ZNF236: variants seen among roughly 807,000 people sequenced by gnomAD.
The protein encoded by ZNF236 is zinc finger protein 236.
Under a neutral mutation model 191.2 loss-of-function variants are expected in ZNF236, and 50 were observed. The observed-to-expected ratio is 0.26, with a 90% CI of 0.21 to 0.33. ZNF236 has a LOEUF of 0.33. Ranked by LOEUF, ZNF236 falls within the 10% of genes least tolerant of loss-of-function variation. The probability of loss-of-function intolerance (pLI) is 1.00; values close to 1 mark genes in which losing one functional copy is unlikely to be tolerated. For missense variants in ZNF236, 1,754 were observed against 2,374.5 expected (o/e 0.74, Z 5.43); for synonymous variants, 907 against 928.8 (o/e 0.98, Z 0.43).
In ZNF236 at chr18:76,960,879, G is replaced by A; in HGVS notation, c.5419+24G>A. 1 of 1,598,620 alleles carries A rather than the reference G, an allele frequency of 6.3e-7. No homozygotes were observed. Among genetic ancestry groups the A allele is most frequent in the Non-Finnish European group, 8.5e-7 (1 of 1,170,258 alleles). On this transcript the variant is annotated intron_variant, in intron 30 of 30. Coordinates refer to ENST00000320610, the MANE Select transcript of ZNF236 (RefSeq NM_001306089.2). The surrounding 1 kb of genome is among the most constrained non-coding windows in gnomAD (Gnocchi z 4.4). ...TGGTGAGAATGCTGCACCCGGGAGTGCGTGCTGTTCGGTGGCCTGCGAGGC... is the reference window on the plus strand; with the variant it reads ...TGGTGAGAATGCTGCACCCGGGAGTACGTGCTGTTCGGTGGCCTGCGAGGC...
In ZNF236 at chr18:76,968,356, A is replaced by G; in HGVS notation, c.*17A>G. ...GTCTTCTGATGCGAGTTGGAAGTAC[A>G]CCTTTAAGAATGTTTCTGAAGTTAC... On this transcript the variant is annotated 3_prime_UTR_variant, in exon 31 of 31. Coordinates refer to ENST00000320610, the MANE Select transcript of ZNF236 (RefSeq NM_001306089.2). 10 of 1,597,898 alleles carry G rather than the reference A, an allele frequency of 6.3e-6. No individual in the cohort carries two copies. The highest frequency in any genetic ancestry group is 8.5e-6 in the Non-Finnish European group (10 of 1,175,914).
At position 76,881,424 on chromosome 18, in the gene ZNF236, C is replaced by T. The variant is rs756338358; in HGVS notation, c.1329C>T (p.Asp443=). Residue 443 remains aspartate, a synonymous_variant, in exon 9 of 31, where the codon GAC becomes GAT. Transcript: ENST00000320610. ...SVSNEQTDPT[D]AEQEKEQESP... The stretch of plus-strand genomic sequence containing the variant: ...CAAATGAGCAGACGGACCCCACAGA[C>T]GCAGAGCAAGAAAAAGAACAGGAAA... 5.4e-5 allele frequency: 87 copies of T among 1,613,096 alleles called. No homozygotes were observed. Among genetic ancestry groups the T allele is most frequent in the Admixed American group, 2.3e-4 (14 of 59,888 alleles).
chr18:76,839,203 T>A (rs747393032), intron 1 of ZNF236, among the ~76,000 whole-genome samples: 1 of 152,246 alleles, frequency 6.6e-6, no homozygotes, highest in Non-Finnish European at 1.5e-5. Flanking sequence ...ACATGGCGTT[T>A]GGGTGCACAT....
rs1967236861 is a variant in ZNF236, at chr18:76,912,319, A to G, written c.2881A>G (p.Asn961Asp). 6.2e-7 allele frequency: 1 copy of G among 1,614,226 alleles called. No homozygotes were observed. The highest frequency in any genetic ancestry group is 8.5e-7 in the Non-Finnish European group (1 of 1,180,042). ...QAQGSQFLEDNEDQSRRSYRC... is the reference protein window; with the variant it reads ...QAQGSQFLEDDEDQSRRSYRC... ...ACAAGGTTCCCAGTTTCTGGAGGAC[A>G]ACGAGGACCAGAGCAGGCGCTCTTA... The change falls in exon 17 of 31, where the codon AAC becomes GAC. Residue 961 changes from asparagine to aspartate, a missense_variant. Coordinates refer to ENST00000320610, the MANE Select transcript of ZNF236 (RefSeq NM_001306089.2).
intron 1 of ZNF236, among the ~76,000 whole-genome samples, chr18:76,825,010 C>T (rs1330054954): frequency 6.6e-6 from 1 of 152,218 alleles, no homozygotes; most frequent in Non-Finnish European, 1.5e-5. Flanking sequence ...GCTTCCTCAT[C>T]CCTTTAACAG....
chr18:76,892,563 A>AAT (rs759164784), intron 9 of ZNF236, among the ~76,000 whole-genome samples: 250 of 151,632 alleles, frequency 1.6e-3, no homozygotes, highest in Admixed American at 3.4e-3. Context: ...TATATTTACT[A>AAT]ATATATATAT....
chr18:76,941,802 G>T lies in ZNF236; in HGVS notation c.4782+4459G>T, dbSNP rs181987713. ...CCAAATTGATTAATTAGCATGCATT[G>T]TCCAACAAGTAATTTAAAAATATCC... On this transcript the variant is annotated intron_variant, in intron 26 of 30. Transcript: ENST00000320610. Among the ~76,000 whole-genome samples the T allele has an allele frequency of 7.9e-4, 121 of 152,250 alleles. 1 individual carries two copies. The Middle Eastern group carries it at 0.01, about 13-fold the overall frequency.
At chr18:76,959,364 G>A (rs1968604984) in intron 28 of ZNF236, among the ~76,000 whole-genome samples, 1 of 152,142 alleles carries the variant, frequency 6.6e-6, no homozygotes, top group African/African-American at 2.4e-5. Flanking sequence ...CCTGCACTAG[G>A]CTCATGGCAT....
At chr18:76,876,638 C>T (rs543990938) in intron 6 of ZNF236, among the ~76,000 whole-genome samples, 2 of 152,270 alleles carry the variant, frequency 1.3e-5, no homozygotes, top group South Asian at 2.1e-4. Context: ...GTATCTAAGA[C>T]CCAGAGACAT....
At position 76,960,312 on chromosome 18, in the gene ZNF236, CTG is replaced by C. The variant is rs1016121387; in HGVS notation, c.5243-365_5243-364del. Among the ~76,000 whole-genome samples the C allele has an allele frequency of 1.3e-5, 2 of 152,366 alleles. No individual in the cohort carries two copies. The highest frequency in any genetic ancestry group is 4.8e-5 in the African/African-American group (2 of 41,590). Reference sequence around the variant, plus strand: ...AGCTCTTCCATCTTCTGCCTCTTGACTGTACATGATAGCTCGTGTCAGCCCTT... The same window carrying C: ...AGCTCTTCCATCTTCTGCCTCTTGACTACATGATAGCTCGTGTCAGCCCTT... On this transcript the variant is annotated intron_variant, in intron 29 of 30. Transcript: ENST00000320610. This position sits in a 1 kb window ranked among gnomAD's most constrained non-coding sequence, Gnocchi z 4.4.
chr18:76,873,380 C>G (rs1487139110), intron 5 of ZNF236, among the ~76,000 whole-genome samples: 1 of 152,182 alleles, frequency 6.6e-6, no homozygotes, highest in Non-Finnish European at 1.5e-5. Flanking sequence ...TTTTGGGATT[C>G]TGTGATGCTA....
At position 76,961,250 on chromosome 18, in the gene ZNF236, T is replaced by G. The variant is rs537087517; in HGVS notation, c.5419+395T>G. On this transcript the variant is annotated intron_variant, in intron 30 of 30. Coordinates refer to ENST00000320610, the MANE Select transcript of ZNF236 (RefSeq NM_001306089.2). Reference sequence around the variant, plus strand: ...TAGCTCCCACTTATGAGTGAGAACATGCGATGTTTGGTTTTCCATTCCTGT... The same window carrying G: ...TAGCTCCCACTTATGAGTGAGAACAGGCGATGTTTGGTTTTCCATTCCTGT... Among the ~76,000 whole-genome samples the G allele has an allele frequency of 4.6e-5, 7 of 152,278 alleles. 1 individual carries two copies. Among genetic ancestry groups the G allele is most frequent in the Admixed American group, 1.3e-4 (2 of 15,300 alleles).
Position 76,960,815 on chromosome 18 carries a change from C to T in ZNF236, c.5379C>T (p.Ser1793=). Reference sequence around the variant, plus strand: ...GCGTCATGGGCTTCACGCAGAAGAGCAACATGAAGCTGCACATGAAGCGGG... The same window carrying T: ...GCGTCATGGGCTTCACGCAGAAGAGTAACATGAAGCTGCACATGAAGCGGG... The part of the protein sequence containing the change: ...AYCVMGFTQK[S]NMKLHMKRAH... The change falls in exon 30 of 31, where the codon AGC becomes AGT. Residue 1793 remains serine (S), a synonymous_variant. Transcript: ENST00000320610. This position sits in a 1 kb window ranked among gnomAD's most constrained non-coding sequence, Gnocchi z 4.4. 6.2e-7 allele frequency: 1 copy of T among 1,613,972 alleles called. No homozygotes were observed. The highest frequency in any genetic ancestry group is 8.5e-7 in the Non-Finnish European group (1 of 1,179,912).
intron 22 of ZNF236, among the ~76,000 whole-genome samples, chr18:76,926,250 C>T (rs1027270509): frequency 7.3e-5 from 11 of 151,106 alleles, no homozygotes; most frequent in African/African-American, 2.2e-4. Context: ...AGTTGCTCTG[C>T]GGTGATTAGA....
intron 25 of ZNF236, among the ~76,000 whole-genome samples, chr18:76,930,607 C>G (rs1449598554): frequency 6.6e-6 from 1 of 152,146 alleles, no homozygotes; most frequent in Non-Finnish European, 1.5e-5. Flanking sequence ...TGAGAGCATT[C>G]AGAACACATA....
chr18:76,823,396 A>G (rs183412291), intron 1 of ZNF236, among the ~76,000 whole-genome samples: 1 of 150,288 alleles, frequency 6.7e-6, no homozygotes, highest in Non-Finnish European at 1.5e-5. Flanking sequence ...GGGGGCTGGA[A>G]CCCTGGGCAT....
At chr18:76,968,077 C>A in intron 30 of ZNF236, 138 bp from the exon 31 acceptor site, 2 of 1,159,686 alleles carry the variant, frequency 1.7e-6, no homozygotes, top group African/African-American at 1.5e-5. Context: ...TCAAATTACT[C>A]TTTTTTCACT....
intron 3 of ZNF236, among the ~76,000 whole-genome samples, chr18:76,864,021 A>G (rs2122573748): frequency 6.6e-6 from 1 of 152,234 alleles, no homozygotes; most frequent in South Asian, 2.1e-4. Context: ...CTTCAGTCAA[A>G]GACCTGAATA....
In ZNF236 at chr18:76,892,168, G is replaced by T. The variant is rs866724391; in HGVS notation, c.1418-2845G>T. The stretch of plus-strand genomic sequence containing the variant: ...TTTTCTTTTTGAAATTTTCTTCTGG[G>T]TTTTTTTTTTTTTTTTTTTTTGTAA... On this transcript the variant is annotated intron_variant, in intron 9 of 30. Coordinates refer to ENST00000320610, the MANE Select transcript of ZNF236 (RefSeq NM_001306089.2). Among the ~76,000 whole-genome samples, 110 of 52,722 alleles carry T rather than the reference G, an allele frequency of 2.1e-3. 1 individual carries two copies. The highest frequency in any genetic ancestry group is 4.9e-3 in the South Asian group (4 of 812). The allele number at this position is 52,722 out of a possible 152,430, so 34.6% of individuals were successfully genotyped here.
Sources: gnomAD v4.1 joint callset for allele counts (sites outside exome capture counted in the v4.1 genomes callset) on GRCh38, gnomAD v4.1.1 for gene constraint, Gnocchi (gnomAD v3.1) non-coding constraint, MANE v1.5 for transcripts, NCBI Gene and HGNC (gene_info 2026-07-23, HGNC 2026-07-21) for gene names.